Variants in BDKRB2 observed in about 807,000 individuals in gnomAD.
BDKRB2 encodes B2 bradykinin receptor.
A neutral mutation model predicts 4.0 loss-of-function variants in BDKRB2; 6 were observed. The ratio of observed to expected loss-of-function variants is 1.49; its 90% CI spans 0.81 to 2.93. The LOEUF is 2.93. Among genes scored for constraint, BDKRB2 ranks in the 30% most tolerant of loss-of-function variants. The pLI is 0.00. For synonymous variants in BDKRB2, 225 were observed against 215.3 expected, an observed-to-expected ratio of 1.05 and a Z score of -0.40; for missense variants, 478 against 520.1, an observed-to-expected ratio of 0.92 and a Z score of 0.79.
rs1360340507 is a variant in BDKRB2 at position 96,229,569 on chromosome 14, AC to A, written c.-39-7499del. Among the ~76,000 whole-genome samples, 11 of 152,232 alleles carry A rather than the reference AC, an allele frequency of 7.2e-5. No homozygotes were observed. In the East Asian group the frequency reaches 2.1e-3, roughly 29 times the overall value. On this transcript the variant is annotated intron_variant, in intron 1 of 2. Transcript: ENST00000554311. Reference sequence around the variant, plus strand: ...CTGTGGGCTGTCACCACACAGACAAACTGCTTCACCCCAACACCAAGATTAG... The same window carrying A: ...CTGTGGGCTGTCACCACACAGACAAATGCTTCACCCCAACACCAAGATTAG...
At chr14:96,214,456 TC>T (rs1457523843) in intron 1 of BDKRB2, among the ~76,000 whole-genome samples, 2 of 152,258 alleles carry the variant, frequency 1.3e-5, no homozygotes, top group East Asian at 3.9e-4. Context: ...GGGACAATGC[TC>T]CTTATCCCAC....
At chr14:96,224,325 G>C (rs1260039511) in intron 1 of BDKRB2, among the ~76,000 whole-genome samples, 1 of 152,146 alleles carries the variant, frequency 6.6e-6, no homozygotes, top group East Asian at 1.9e-4. Context: ...CTGAGGTTCT[G>C]GCCCAGACTG....
At chr14:96,212,637 A>G (rs4900312) in intron 1 of BDKRB2, among the ~76,000 whole-genome samples, 116,761 of 152,140 alleles carry the variant, frequency 0.77, 45,230 homozygotes, top group East Asian at 0.98. Context: ...GTGGCGGCTC[A>G]CTTGGGTGGT....
chr14:96,208,623 C>A (rs1890240300), intron 1 of BDKRB2, among the ~76,000 whole-genome samples: 1 of 152,170 alleles, frequency 6.6e-6, no homozygotes, highest in African/African-American at 2.4e-5. Context: ...GGAGTGAGGG[C>A]CTGGGGCGGT....
At chr14:96,213,289 C>T (rs1890343256) in intron 1 of BDKRB2, among the ~76,000 whole-genome samples, 1 of 152,128 alleles carries the variant, frequency 6.6e-6, no homozygotes, top group Non-Finnish European at 1.5e-5. Context: ...GATCTTTCCC[C>T]ACAAGGAGCT....
chr14:96,206,489 G>A (rs896189434), intron 1 of BDKRB2, among the ~76,000 whole-genome samples: 1 of 152,176 alleles, frequency 6.6e-6, no homozygotes, highest in African/African-American at 2.4e-5. Flanking sequence ...CCTGCATGAT[G>A]GATCTGAGGA....
In BDKRB2 at chr14:96,216,808, AAGGAGG is replaced by A. The variant is rs138949891; in HGVS notation, c.-40+11864_-40+11869del. On this transcript the variant is annotated intron_variant, in intron 1 of 2. Coordinates refer to ENST00000554311, the MANE Select transcript of BDKRB2 (RefSeq NM_001379692.1). ...GAGGAGGAGGAAGTAGGAGAAGAAG[AAGGAGG>A]AGGAGGAGGAGGAGATCCTACAGCA... 0.011 allele frequency among the ~76,000 whole-genome samples: 1,553 copies of A among 145,282 alleles called. 84 individuals carry two copies. The East Asian group carries it at 0.16, about 15-fold the overall frequency.
chr14:96,215,078 G>T (rs529680711), intron 1 of BDKRB2, among the ~76,000 whole-genome samples: 2 of 152,322 alleles, frequency 1.3e-5, no homozygotes, highest in East Asian at 3.9e-4. Context: ...AGGAATATAT[G>T]TTCTTCACAG....
chr14:96,225,897 C>G (rs1038195451), intron 1 of BDKRB2, among the ~76,000 whole-genome samples: 3 of 152,290 alleles, frequency 2.0e-5, no homozygotes, highest in Admixed American at 6.5e-5. Context: ...AGACCCCGCC[C>G]ACCACCCTCC....
At chr14:96,237,297 G>A in intron 2 of BDKRB2, 116 bp downstream of exon 2, 1 of 990,718 alleles carries the variant, frequency 1.0e-6, no homozygotes, top group Admixed American at 2.2e-5. Flanking sequence ...AACCAGTGAT[G>A]TTAAGCCCAA....
chr14:96,225,976 C>T (rs1236503555), intron 1 of BDKRB2, among the ~76,000 whole-genome samples: 5 of 152,086 alleles, frequency 3.3e-5, no homozygotes, highest in Admixed American at 2.6e-4. Context: ...GGAGAGGCTG[C>T]GGGAGAAACA....
intron 1 of BDKRB2, chr14:96,233,946 CAG>C (rs1448808515): frequency 6.6e-6 from 1 of 152,236 alleles, no homozygotes; most frequent in Non-Finnish European, 1.5e-5. Flanking sequence ...AACCCAGGAG[CAG>C]AGTCATCACC....
Position 96,230,171 on chromosome 14 carries a change from A to G in BDKRB2, c.-39-6898A>G, listed in dbSNP as rs147481389. On this transcript the variant is annotated intron_variant, in intron 1 of 2. Transcript: ENST00000554311. Reference sequence around the variant, plus strand: ...AAATTAAAAAGGATTGGAATAAAGGAATGGTTTAGTAAACAAAAATAAACA... The same window carrying G: ...AAATTAAAAAGGATTGGAATAAAGGGATGGTTTAGTAAACAAAAATAAACA... Among the ~76,000 whole-genome samples the G allele has an allele frequency of 4.2e-3, 645 of 152,302 alleles. 6 individuals carry two copies. The highest frequency in any genetic ancestry group is 0.015 in the African/African-American group (605 of 41,578).
Position 96,223,327 on chromosome 14 carries a change from C to A in BDKRB2, c.-39-13742C>A. 3 of 1,039,554 alleles carry A rather than the reference C, an allele frequency of 2.9e-6. No homozygotes were observed. The Admixed American group carries it at 5.1e-5, about 18-fold the overall frequency. The allele number at this position is 1,039,554 out of a possible 1,614,324, so 64.4% of individuals were successfully genotyped here. On this transcript the variant is annotated intron_variant, in intron 1 of 2. Coordinates refer to ENST00000554311, the MANE Select transcript of BDKRB2 (RefSeq NM_001379692.1). ...CATCTTGCTGTTCCGGCGCCCACCA[C>A]CCAAGAAGCCAAAGAAATGAAGCTG...
chr14:96,219,759 G>T (rs1179647996), intron 1 of BDKRB2, among the ~76,000 whole-genome samples: 1 of 152,060 alleles, frequency 6.6e-6, no homozygotes. Flanking sequence ...AGTTAAGTGT[G>T]CTGTTTCCAT....
Position 96,240,899 on chromosome 14 carries a change from C to A in BDKRB2, c.571C>A (p.Pro191Thr). ...GGGGTGTACGCTGCTCCTGAGCTCA[C>A]CCATGCTGGTGTTCCGGACCATGAA... ...IWGCTLLLSSPMLVFRTMKEY... is the reference protein window; with the variant it reads ...IWGCTLLLSSTMLVFRTMKEY... The change falls in exon 3 of 3, where the codon CCC (proline) becomes ACC (threonine). Residue 191 changes from proline (P) to threonine (T), a missense_variant. By Grantham distance (38) the Pro-to-Thr change is conservative. Transcript: ENST00000554311. 6.3e-7 allele frequency: 1 copy of A among 1,597,372 alleles called. No homozygotes were observed. Among genetic ancestry groups the A allele is most frequent in the South Asian group, 1.2e-5 (1 of 86,922 alleles).
At chr14:96,235,455 T>A (rs1463837405) in intron 1 of BDKRB2, among the ~76,000 whole-genome samples, 2 of 151,278 alleles carry the variant, frequency 1.3e-5, no homozygotes, top group African/African-American at 4.9e-5. Flanking sequence ...AGAGGAAAGC[T>A]CCTAGGTCTT....
chr14:96,239,143 C>T, intron 2 of BDKRB2: 3 of 985,518 alleles, frequency 3.0e-6, no homozygotes, highest in Non-Finnish European at 3.6e-6. Context: ...GAAAGAGCCC[C>T]TTTTCCTTCT....
chr14:96,228,648 G>A (rs1212783845), intron 1 of BDKRB2, among the ~76,000 whole-genome samples: 4 of 152,208 alleles, frequency 2.6e-5, no homozygotes, highest in African/African-American at 4.8e-5. Context: ...GGGGCATGGT[G>A]GGCCAGGGTG....
Sources: allele counts gnomAD v4.1 joint callset (sites outside exome capture counted in the v4.1 genomes callset), GRCh38; gene constraint gnomAD v4.1.1; transcripts MANE v1.5; gene names NCBI Gene and HGNC (gene_info 2026-07-23, HGNC 2026-07-21).